The following ROBO1 variants were observed in gnomAD, a reference collection of about 807,000 sequenced individuals.
The protein encoded by ROBO1 is roundabout guidance receptor 1, also known as roundabout homolog 1.
In ROBO1, 149 loss-of-function variants were observed where a neutral mutation model predicts 195.9. The observed-to-expected ratio is 0.76, with a 90% confidence interval of 0.67 to 0.87. The LOEUF (loss-of-function observed/expected upper bound fraction) is 0.87, where lower values mean the gene tolerates loss of function less well. Ranked by LOEUF, ROBO1 falls within the 40% of genes least tolerant of loss-of-function variation. The probability of loss-of-function intolerance (pLI) is 0.00; values close to 1 mark genes in which losing one functional copy is unlikely to be tolerated. For synonymous variants in ROBO1, 816 were observed against 733.2 expected (o/e 1.11, Z -1.82); for missense variants, 1,933 against 2,068.3 (o/e 0.93, Z 1.27).
chr3:79,674,569 A>C (rs986406864), intron 1 of ROBO1, among the ~76,000 whole-genome samples: 1 of 151,790 alleles, frequency 6.6e-6, no homozygotes, highest in Non-Finnish European at 1.5e-5. Flanking sequence ...TCCTTCCTGA[A>C]CTCCCCTTCA....
chr3:79,582,049 T>C (rs1448106845), intron 2 of ROBO1, among the ~76,000 whole-genome samples: 4 of 151,904 alleles, frequency 2.6e-5, no homozygotes, highest in Non-Finnish European at 5.9e-5. Flanking sequence ...TATTTGTGTA[T>C]GGTAAGTTTA....
chr3:78,826,197 C>T (rs1273477505), intron 4 of ROBO1, among the ~76,000 whole-genome samples: 2 of 152,124 alleles, frequency 1.3e-5, no homozygotes, highest in Non-Finnish European at 2.9e-5. Context: ...AAAAGACTAG[C>T]TAGTTTGTAA....
At chr3:79,116,251 CTCTT>C (rs1191398604) in intron 3 of ROBO1, among the ~76,000 whole-genome samples, 2 of 151,838 alleles carry the variant, frequency 1.3e-5, no homozygotes, top group Non-Finnish European at 2.9e-5. Context: ...ATAATTTAAT[CTCTT>C]TCTTTCCCTT....
At chr3:79,381,222 A>T (rs6768939) in intron 2 of ROBO1, among the ~76,000 whole-genome samples, 101,082 of 151,346 alleles carry the variant, frequency 0.67, 35,221 homozygotes, top group African/African-American at 0.89. Context: ...CTGGGCGTGG[A>T]GGCAGGTGCC....
At chr3:78,604,877 C>T (rs532515066) in intron 29 of ROBO1, among the ~76,000 whole-genome samples, 1 of 152,294 alleles carries the variant, frequency 6.6e-6, no homozygotes, top group African/African-American at 2.4e-5. Context: ...TAATAATCTT[C>T]CATTTCTTGT....
At chr3:78,622,823 A>C (rs1195431769) in intron 26 of ROBO1, among the ~76,000 whole-genome samples, 1 of 152,200 alleles carries the variant, frequency 6.6e-6, no homozygotes, top group African/African-American at 2.4e-5. Flanking sequence ...AGTCCATACT[A>C]TATGGTGAGA....
chr3:78,627,708 G>C (rs1704904815), intron 25 of ROBO1, 139 bp from the exon 26 acceptor site: 1 of 949,646 alleles, frequency 1.1e-6, no homozygotes, highest in African/African-American at 1.7e-5. Flanking sequence ...TATTGAAAAA[G>C]GTTTTACCTC....
At chr3:79,311,587 G>A (rs1226248803) in intron 2 of ROBO1, among the ~76,000 whole-genome samples, 1 of 152,136 alleles carries the variant, frequency 6.6e-6, no homozygotes, top group Non-Finnish European at 1.5e-5. Context: ...AGGTCCTATA[G>A]ATGTATTATC....
chr3:79,138,462 T>A (rs1270367990), intron 2 of ROBO1, among the ~76,000 whole-genome samples: 1 of 152,084 alleles, frequency 6.6e-6, no homozygotes, highest in Non-Finnish European at 1.5e-5. Context: ...CATATACTTA[T>A]CTATCTAAAA....
At chr3:78,739,635 C>CTA (rs1353234303) in intron 5 of ROBO1, among the ~76,000 whole-genome samples, 1 of 152,034 alleles carries the variant, frequency 6.6e-6, no homozygotes, top group African/African-American at 2.4e-5. Context: ...GTTGTCTGAG[C>CTA]TATAATATTT....
At chr3:78,636,935 T>TATATA (rs1049019413) in intron 22 of ROBO1, among the ~76,000 whole-genome samples, 4 of 96,696 alleles carry the variant, frequency 4.1e-5, no homozygotes, top group East Asian at 3.7e-4. Context: ...TACATTCATT[T>TATATA]TATATATATA....
intron 4 of ROBO1, among the ~76,000 whole-genome samples, chr3:78,869,429 T>G (rs72896467): frequency 0.056 from 8,533 of 152,236 alleles, 621 homozygotes; most frequent in African/African-American, 0.16. Context: ...AACTTTAGTG[T>G]ATAGCTCATC....
chr3:78,819,136 T>G, intron 4 of ROBO1, among the ~76,000 whole-genome samples: 1 of 152,154 alleles, frequency 6.6e-6, no homozygotes, highest in East Asian at 1.9e-4. Flanking sequence ...GGTAAGGCAT[T>G]GTAATATATT....
At chr3:79,560,875 C>T (rs67014954) in intron 2 of ROBO1, among the ~76,000 whole-genome samples, 10,103 of 152,088 alleles carry the variant, frequency 0.066, 406 homozygotes, top group East Asian at 0.15. Flanking sequence ...AAGAAAAATG[C>T]CAACAATTGC....
At chr3:79,374,547 T>C (rs1369208619) in intron 2 of ROBO1, among the ~76,000 whole-genome samples, 5 of 152,184 alleles carry the variant, frequency 3.3e-5, no homozygotes, top group Non-Finnish European at 5.9e-5. Context: ...ATCATTAAAA[T>C]GCAAAAAACT....
At chr3:79,382,517 T>A (rs1575752953) in intron 2 of ROBO1, among the ~76,000 whole-genome samples, 1 of 152,280 alleles carries the variant, frequency 6.6e-6, no homozygotes, top group Admixed American at 6.5e-5. Context: ...CTAATTAATT[T>A]AAATAATTTT....
At chr3:79,123,900 C>A (rs1261970837) in intron 3 of ROBO1, among the ~76,000 whole-genome samples, 2 of 151,950 alleles carry the variant, frequency 1.3e-5, no homozygotes, top group Non-Finnish European at 2.9e-5. Flanking sequence ...TATTTAAATT[C>A]TCTTAATTCA....
intron 4 of ROBO1, among the ~76,000 whole-genome samples, chr3:78,907,812 G>A (rs2038013276): frequency 6.6e-6 from 1 of 151,690 alleles, no homozygotes; most frequent in Non-Finnish European, 1.5e-5. Context: ...AAAACAGAAG[G>A]TACATTAAGA....
intron 2 of ROBO1, among the ~76,000 whole-genome samples, chr3:79,156,433 A>G (rs1174284887): frequency 6.6e-6 from 1 of 151,832 alleles, no homozygotes. Context: ...TCACATTGTT[A>G]CATAATAAAT....
Sources: allele counts gnomAD v4.1 joint callset (sites outside exome capture counted in the v4.1 genomes callset), GRCh38; gene constraint gnomAD v4.1.1; transcripts MANE v1.5; gene names NCBI Gene and HGNC (gene_info 2026-07-23, HGNC 2026-07-21).